ASCC3: variants seen among roughly 807,000 people sequenced by gnomAD.
ASCC3 encodes activating signal cointegrator 1 complex subunit 3, also known as ASC-1 complex subunit P200.
ASCC3 carries 158 observed loss-of-function variants against 256.3 expected under a neutral mutation model. That is an observed-to-expected ratio of 0.62 (90% confidence interval 0.54 to 0.70). ASCC3 has a LOEUF of 0.70. Among genes scored for constraint, ASCC3 ranks in the 30% least tolerant of loss-of-function variants. The pLI is 0.00. For missense variants in ASCC3, 2,259 were observed against 2,626.0 expected (o/e 0.86, Z 3.05); for synonymous variants, 948 against 883.4 (o/e 1.07, Z -1.30).
At chr6:100,656,631 A>C (rs939789127) in intron 16 of ASCC3, among the ~76,000 whole-genome samples, 1 of 151,540 alleles carries the variant, frequency 6.6e-6, no homozygotes, top group African/African-American at 2.4e-5. Flanking sequence ...AAGGTTAATA[A>C]TTTAAAAACA....
Position 100,625,224 on chromosome 6 carries a change from G to A in ASCC3, c.4753C>T (p.Pro1585Ser). ...TCATCCATGTTTAACCACTGCTTTG[G>A]ATCTTCTTCAGTAGCCAGGAAGGCG... ...LIAFLATEED[P>S]KQWLNMDERE... Residue 1585 changes from proline to serine, a missense_variant, in exon 30 of 42, where the codon CCA becomes TCA. By Grantham distance (74) the Pro-to-Ser change is moderately conservative. This residue lies in a region of ASCC3 where 1,839 missense variants were observed against 2,206.7 expected (regional missense o/e 0.83). Coordinates refer to ENST00000369162, the MANE Select transcript of ASCC3 (RefSeq NM_006828.4). The A allele has an allele frequency of 6.2e-7, 1 of 1,612,832 alleles. No homozygotes were observed. The highest frequency in any genetic ancestry group is 8.5e-7 in the Non-Finnish European group (1 of 1,179,206).
intron 17 of ASCC3, 64 bp downstream of exon 17, chr6:100,655,635 C>CCTCA: frequency 6.5e-7 from 1 of 1,546,350 alleles, no homozygotes; most frequent in Non-Finnish European, 8.8e-7. Context: ...AAATATCTAT[C>CCTCA]CTCATATCAT....
intron 4 of ASCC3, among the ~76,000 whole-genome samples, chr6:100,823,936 C>G (rs897546503): frequency 6.6e-6 from 1 of 152,110 alleles, no homozygotes; most frequent in African/African-American, 2.4e-5. Flanking sequence ...AAATGAATCA[C>G]AGATATCACC....
chr6:100,525,626 G>A (rs946783094), intron 37 of ASCC3, among the ~76,000 whole-genome samples: 1 of 151,980 alleles, frequency 6.6e-6, no homozygotes, highest in South Asian at 2.1e-4. Flanking sequence ...GATATTAGGT[G>A]AAAAAGAATT....
At chr6:100,828,890 T>G (rs928715231) in intron 4 of ASCC3, among the ~76,000 whole-genome samples, 2 of 152,078 alleles carry the variant, frequency 1.3e-5, no homozygotes, top group Non-Finnish European at 2.9e-5. Context: ...TTTTATTCTC[T>G]TATCTGGCCC....
At chr6:100,563,217 T>C (rs1464636811) in intron 36 of ASCC3, among the ~76,000 whole-genome samples, 2 of 152,158 alleles carry the variant, frequency 1.3e-5, no homozygotes, top group Non-Finnish European at 2.9e-5. Flanking sequence ...TTTTTATGTA[T>C]GCACATTTAC....
chr6:100,542,751 A>T (rs2114668334), intron 36 of ASCC3, among the ~76,000 whole-genome samples: 1 of 152,206 alleles, frequency 6.6e-6, no homozygotes, highest in Middle Eastern at 3.4e-3. Flanking sequence ...AGTGAAAATA[A>T]ATCTTTCAAA....
intron 3 of ASCC3, among the ~76,000 whole-genome samples, chr6:100,855,275 G>A (rs1198475420): frequency 2.0e-5 from 3 of 151,922 alleles, no homozygotes; most frequent in African/African-American, 7.2e-5. Flanking sequence ...TACCATGCCT[G>A]GCTAATTGTT....
At chr6:100,802,270 A>G (rs1235726057) in intron 5 of ASCC3, among the ~76,000 whole-genome samples, 1 of 152,042 alleles carries the variant, frequency 6.6e-6, no homozygotes, top group Non-Finnish European at 1.5e-5. Context: ...TTCTAACACA[A>G]AGTTATTCTG....
chr6:100,642,601 T>G lies in ASCC3; in HGVS notation c.3881A>C (p.Glu1294Ala), dbSNP rs767622975. The change falls in exon 24 of 42, where the codon GAG (glutamate) becomes GCG (alanine). Residue 1294 changes from glutamate to alanine, a missense_variant. By Grantham distance (107) the Glu-to-Ala change is moderately radical (BLOSUM62 -1). Around this residue, in one of 2 missense-constraint regions of ASCC3, gnomAD observed 1,839 missense variants for 2,206.7 expected, o/e 0.83. Transcript: ENST00000369162. ...IINFQHLILPERHPPHTELLD... is the reference protein window; with the variant it reads ...IINFQHLILPARHPPHTELLD... Reference sequence around the variant, plus strand: ...GTTACCTGTATGAGGAGGATGTCTCTCTGGTAGAATTAGATGTTGAAAGTT... The same window carrying G: ...GTTACCTGTATGAGGAGGATGTCTCGCTGGTAGAATTAGATGTTGAAAGTT... 2 of 1,613,830 alleles carry G rather than the reference T, an allele frequency of 1.2e-6. No individual in the cohort carries two copies. The highest frequency in any genetic ancestry group is 1.7e-6 in the Non-Finnish European group (2 of 1,179,900).
At chr6:100,669,509 A>G (rs1344551262) in intron 14 of ASCC3, among the ~76,000 whole-genome samples, 2 of 151,616 alleles carry the variant, frequency 1.3e-5, no homozygotes, top group Non-Finnish European at 3.0e-5. Context: ...CAAAAATACC[A>G]TTTCTCATTA....
intron 20 of ASCC3, among the ~76,000 whole-genome samples, chr6:100,648,676 T>TA (rs1399142695): frequency 6.6e-6 from 1 of 151,980 alleles, no homozygotes; most frequent in Admixed American, 6.6e-5. Context: ...AAATTTTGAT[T>TA]ACTGTATCTA....
chr6:100,787,677 C>G (rs918957414), intron 8 of ASCC3, among the ~76,000 whole-genome samples: 3 of 152,064 alleles, frequency 2.0e-5, no homozygotes, highest in African/African-American at 7.2e-5. Flanking sequence ...TGTATATGAT[C>G]AACTGATTTT....
rs767117526 is a variant in ASCC3, at chr6:100,647,385, A to G, written c.3319T>C (p.Tyr1107His). Residue 1107 changes from tyrosine to histidine, a missense_variant, in exon 21 of 42, where the codon TAC (tyrosine) becomes CAC (histidine). By Grantham distance (83) the Tyr-to-His change is moderately conservative (BLOSUM62 2). Coordinates refer to ENST00000369162, the MANE Select transcript of ASCC3 (RefSeq NM_006828.4). ...ALRKRWPTMTYRLLNLSKVID... is the reference protein window; with the variant it reads ...ALRKRWPTMTHRLLNLSKVID... ...ACTTTACTAAGATTCAGGAGCCTGT[A>G]GGTCATGGTAGGCCAACGTTTCCTC... 1.1e-5 allele frequency: 17 copies of G among 1,613,952 alleles called. No homozygotes were observed. The highest frequency in any genetic ancestry group is 1.3e-5 in the Non-Finnish European group (15 of 1,179,972).
chr6:100,875,860 AAAAC>A (rs763684653), intron 1 of ASCC3, among the ~76,000 whole-genome samples: 3 of 152,212 alleles, frequency 2.0e-5, no homozygotes, highest in South Asian at 4.1e-4. Context: ...AAATAGGGAA[AAAAC>A]AAACAAACAA....
intron 4 of ASCC3, among the ~76,000 whole-genome samples, chr6:100,829,254 G>C (rs931324285): frequency 6.6e-6 from 1 of 152,150 alleles, no homozygotes; most frequent in South Asian, 2.1e-4. Context: ...TTGGGTGGTC[G>C]ATGGGACTGG....
At position 100,601,791 on chromosome 6, in the gene ASCC3, T is replaced by C; in HGVS notation, c.5303+19A>G. The stretch of plus-strand genomic sequence containing the variant: ...TTTCGGGGCAAAACAGAAAGGTATA[T>C]AACTGCCCTTGCACTTACCTGGGAT... On this transcript the variant is annotated intron_variant, in intron 34 of 41. Coordinates refer to ENST00000369162, the MANE Select transcript of ASCC3 (RefSeq NM_006828.4). 2 of 1,611,362 alleles carry C rather than the reference T, an allele frequency of 1.2e-6. No individual in the cohort carries two copies. The highest frequency in any genetic ancestry group is 2.2e-5 in the South Asian group (2 of 90,984).
chr6:100,848,870 T>C (rs1274535789), intron 3 of ASCC3, among the ~76,000 whole-genome samples, 163 bp from the exon 4 acceptor site: 1 of 151,960 alleles, frequency 6.6e-6, no homozygotes, highest in East Asian at 1.9e-4. Context: ...CTCTGGAAGG[T>C]CAAGGCAGGA....
intron 36 of ASCC3, among the ~76,000 whole-genome samples, chr6:100,572,548 TAACA>T (rs1482339695): frequency 2.0e-5 from 3 of 152,092 alleles, no homozygotes; most frequent in Non-Finnish European, 2.9e-5. Context: ...CTGCCAGAAA[TAACA>T]AACAAACTAA....
Sources: gnomAD v4.1 joint callset for allele counts (sites outside exome capture counted in the v4.1 genomes callset) on GRCh38, gnomAD v4.1.1 for gene constraint, gnomAD v4.1.1 regional missense constraint, MANE v1.5 for transcripts, NCBI Gene and HGNC (gene_info 2026-07-23, HGNC 2026-07-21) for gene names.